Variants in ATXN1 observed in about 807,000 individuals in gnomAD.
ATXN1 encodes ataxin 1.
In ATXN1, 8 loss-of-function variants were observed where a neutral mutation model predicts 56.4. That is an observed-to-expected ratio of 0.14 (90% CI 0.08 to 0.26). The LOEUF (loss-of-function observed/expected upper bound fraction) is 0.26. ATXN1 is among the 10% of genes least tolerant of loss of function. The probability of loss-of-function intolerance (pLI) is 1.00; values close to 1 mark genes in which losing one functional copy is unlikely to be tolerated. For synonymous variants in ATXN1, 514 were observed against 494.6 expected (o/e 1.04, Z -0.52); for missense variants, 987 against 1,106.5 (o/e 0.89, Z 1.53).
rs142800801 is a variant in ATXN1, at chr6:16,548,479, C to T, written c.-360-25791G>A. ...CTGTAACTTTTTTACTTTATAAACA[C>T]ATTATTTAAAACTTTTCGACTCTTG... On this transcript the variant is annotated intron_variant, in intron 4 of 7. Transcript: ENST00000436367. Among the ~76,000 whole-genome samples the T allele has an allele frequency of 2.0e-4, 30 of 152,310 alleles. No individual in the cohort carries two copies. The East Asian group carries it at 4.4e-3, about 23-fold the overall frequency.
intron 4 of ATXN1, among the ~76,000 whole-genome samples, chr6:16,572,893 G>A (rs997262575): frequency 3.3e-5 from 5 of 152,208 alleles, no homozygotes; most frequent in Admixed American, 6.5e-5. Flanking sequence ...TATCTTGGCA[G>A]AGTTAAGTGG....
At chr6:16,329,337 A>G (rs1277092361) in intron 6 of ATXN1, among the ~76,000 whole-genome samples, 1 of 151,598 alleles carries the variant, frequency 6.6e-6, no homozygotes, top group East Asian at 1.9e-4. Flanking sequence ...CAGAGCCACT[A>G]CTCTCCAAGA....
At chr6:16,438,072 C>G (rs1468683429) in intron 6 of ATXN1, among the ~76,000 whole-genome samples, 2 of 152,244 alleles carry the variant, frequency 1.3e-5, no homozygotes, top group African/African-American at 4.8e-5. Context: ...AAGGTACAAC[C>G]TAGATCCCTC....
intron 6 of ATXN1, among the ~76,000 whole-genome samples, chr6:16,391,820 C>A (rs1431665789): frequency 6.6e-6 from 1 of 152,160 alleles, no homozygotes; most frequent in Admixed American, 6.5e-5. Context: ...GGCCTCTAAT[C>A]CCTTTCAGTC....
intron 6 of ATXN1, among the ~76,000 whole-genome samples, chr6:16,353,697 C>T (rs1761620213): frequency 6.6e-6 from 1 of 151,950 alleles, no homozygotes; most frequent in Non-Finnish European, 1.5e-5. Context: ...AACAAAAAAC[C>T]ACAATTACAA....
At chr6:16,530,288 A>G (rs1403280947) in intron 4 of ATXN1, among the ~76,000 whole-genome samples, 1 of 152,232 alleles carries the variant, frequency 6.6e-6, no homozygotes, top group East Asian at 1.9e-4. Flanking sequence ...CGTAGGTTGT[A>G]GAACCAGATC....
At chr6:16,648,423 G>A (rs1243309907) in intron 3 of ATXN1, among the ~76,000 whole-genome samples, 1 of 152,150 alleles carries the variant, frequency 6.6e-6, no homozygotes, top group Non-Finnish European at 1.5e-5. Context: ...TCTGAGCCCT[G>A]GCTCTCATGA....
intron 7 of ATXN1, among the ~76,000 whole-genome samples, chr6:16,314,906 C>T (rs1760475649): frequency 2.0e-5 from 3 of 152,220 alleles, no homozygotes; most frequent in South Asian, 2.1e-4. Context: ...CCACCGTGCC[C>T]GGCCTCAAAA....
chr6:16,720,601 C>T (rs540263609), intron 2 of ATXN1, among the ~76,000 whole-genome samples: 32 of 152,318 alleles, frequency 2.1e-4, no homozygotes, highest in African/African-American at 7.5e-4. Context: ...AGAATGCTTA[C>T]TATTATTTTT....
At chr6:16,364,714 G>A (rs1213222927) in intron 6 of ATXN1, among the ~76,000 whole-genome samples, 2 of 152,204 alleles carry the variant, frequency 1.3e-5, no homozygotes, top group Non-Finnish European at 2.9e-5. Flanking sequence ...GAAAGCCATA[G>A]AAATAAGCCT....
intron 6 of ATXN1, among the ~76,000 whole-genome samples, chr6:16,403,361 A>T (rs190590251): frequency 0.01 from 1,587 of 152,160 alleles, 13 homozygotes; most frequent in Non-Finnish European, 0.015. Flanking sequence ...TTTAAAAAAA[A>T]ATTTTTTAAG....
chr6:16,433,380 A>G (rs9477133), intron 6 of ATXN1, among the ~76,000 whole-genome samples: 1,847 of 152,326 alleles, frequency 0.012, 32 homozygotes, highest in African/African-American at 0.042. Flanking sequence ...ACCGCAACAG[A>G]AACAGCTGTT....
At chr6:16,702,618 A>T (rs372039415) in intron 2 of ATXN1, among the ~76,000 whole-genome samples, 1 of 152,206 alleles carries the variant, frequency 6.6e-6, no homozygotes, top group South Asian at 2.1e-4. Flanking sequence ...GAATCTACAA[A>T]GAACTCAAAC....
intron 6 of ATXN1, among the ~76,000 whole-genome samples, chr6:16,385,506 C>G (rs1380514651): frequency 6.6e-6 from 1 of 152,170 alleles, no homozygotes; most frequent in Non-Finnish European, 1.5e-5. Flanking sequence ...GGCAGGGGCA[C>G]ATGGAGGAAC....
At chr6:16,596,560 G>A (rs190849474) in intron 3 of ATXN1, among the ~76,000 whole-genome samples, 3 of 152,240 alleles carry the variant, frequency 2.0e-5, no homozygotes, top group South Asian at 2.1e-4. Context: ...CCTATGTCAC[G>A]TTAAAAGTGT....
At chr6:16,324,743 A>C (rs1276138553) in intron 7 of ATXN1, among the ~76,000 whole-genome samples, 1 of 152,216 alleles carries the variant, frequency 6.6e-6, no homozygotes. Context: ...TAATCGATCT[A>C]AGAACCTGGA....
chr6:16,406,417 A>G (rs1758686995), intron 6 of ATXN1, among the ~76,000 whole-genome samples: 1 of 152,232 alleles, frequency 6.6e-6, no homozygotes, highest in African/African-American at 2.4e-5. Flanking sequence ...AACCTAACGG[A>G]TACCGGGCAT....
At chr6:16,675,629 C>A (rs11968098) in intron 2 of ATXN1, among the ~76,000 whole-genome samples, 60,427 of 151,856 alleles carry the variant, frequency 0.4, 12,496 homozygotes, top group Non-Finnish European at 0.46. Flanking sequence ...GCCTGTAATC[C>A]CAGCACTTTG....
intron 3 of ATXN1, among the ~76,000 whole-genome samples, chr6:16,589,673 A>C (rs1762688466): frequency 6.6e-6 from 1 of 152,216 alleles, no homozygotes; most frequent in South Asian, 2.1e-4. Context: ...AGCTCAGTAT[A>C]CTGGAAGCAC....
Sources: allele counts gnomAD v4.1 joint callset (sites outside exome capture counted in the v4.1 genomes callset), GRCh38; gene constraint gnomAD v4.1.1; transcripts MANE v1.5; gene names NCBI Gene and HGNC (gene_info 2026-07-23, HGNC 2026-07-21).